Variants in DHX9 observed in about 807,000 individuals in gnomAD.
The protein encoded by DHX9 is DExH-box helicase 9.
Under a neutral mutation model 148.7 loss-of-function variants are expected in DHX9, and 27 were observed. The ratio of observed to expected loss-of-function variants is 0.18; its 90% CI spans 0.13 to 0.25. The LOEUF (loss-of-function observed/expected upper bound fraction) is 0.25, where lower values mean the gene tolerates loss of function less well. DHX9 is among the 10% of genes least tolerant of loss of function. DHX9 has a pLI of 1.00. For missense variants in DHX9, 796 were observed against 1,559.6 expected (o/e 0.51, Z 8.25); for synonymous variants, 529 against 516.6 (o/e 1.02, Z -0.33).
intron 11 of DHX9, 72 bp downstream of exon 11, chr1:182,859,189 G>GT: frequency 7.2e-7 from 1 of 1,388,468 alleles, no homozygotes; most frequent in Non-Finnish European, 1.0e-6. Context: ...AAAAGTCAAT[G>GT]AGCAGTACAT....
At chr1:182,874,509 T>G (rs1648676993) in intron 15 of DHX9, among the ~76,000 whole-genome samples, 1 of 152,202 alleles carries the variant, frequency 6.6e-6, no homozygotes, top group Non-Finnish European at 1.5e-5. Context: ...AGAGGAAGGA[T>G]GGACTGTGGT....
At position 182,854,023 on chromosome 1, in the gene DHX9, TC is replaced by T; in HGVS notation, c.478-6del. ...ACAGCCAAATTTAATTATCATTGAT[TC>T]TACAGACTCTAGAATCAGAAGAAGT... is the stretch of plus-strand genomic sequence containing the variant. On this transcript the variant is annotated splice_region_variant and splice_polypyrimidine_tract_variant and intron_variant, in intron 5 of 27. Transcript: ENST00000367549. 6.2e-7 allele frequency: 1 copy of T among 1,607,612 alleles called. No homozygotes were observed. Among genetic ancestry groups the T allele is most frequent in the Non-Finnish European group, 8.5e-7 (1 of 1,178,742 alleles).
chr1:182,869,110 G>A (rs909193469), intron 14 of DHX9, among the ~76,000 whole-genome samples: 3 of 152,144 alleles, frequency 2.0e-5, no homozygotes, highest in Non-Finnish European at 4.4e-5. Flanking sequence ...AGTAAGTTTT[G>A]GTCAGCTTAA....
chr1:182,845,555 G>T (rs890212558), intron 3 of DHX9, among the ~76,000 whole-genome samples: 1 of 152,130 alleles, frequency 6.6e-6, no homozygotes, highest in Admixed American at 6.5e-5. Flanking sequence ...AATCAGTTCT[G>T]CAGCAGTCAC....
rs556314040 is a variant in DHX9, at chr1:182,887,758, G to A, written c.*324G>A. On this transcript the variant is annotated 3_prime_UTR_variant, in exon 28 of 28. Transcript: ENST00000367549. ...TAAAGTATTACACCGAATACTTGCCGTGTAGTTTGTTTGTTGACCTCGTAT... is the reference window on the plus strand; with the variant it reads ...TAAAGTATTACACCGAATACTTGCCATGTAGTTTGTTTGTTGACCTCGTAT... 7.5e-5 allele frequency: 17 copies of A among 227,722 alleles called. No homozygotes were observed. The highest frequency in any genetic ancestry group is 2.9e-4 in the African/African-American group (13 of 44,666). 14.1% of individuals were successfully genotyped at this position (227,722 alleles called of 1,614,324 possible).
At chr1:182,860,863 T>TC (rs1286632947) in intron 12 of DHX9, among the ~76,000 whole-genome samples, 3 of 152,220 alleles carry the variant, frequency 2.0e-5, no homozygotes, top group East Asian at 3.8e-4. Context: ...GTTAAACAGT[T>TC]CCGTTGGCTC....
At chr1:182,849,978 A>C (rs1668103436) in intron 3 of DHX9, among the ~76,000 whole-genome samples, 5 of 127,290 alleles carry the variant, frequency 3.9e-5, no homozygotes, top group African/African-American at 6.0e-5. Flanking sequence ...AAGTGTACAC[A>C]CGTACCCCCC....
At chr1:182,850,438 T>G (rs1338657097) in intron 3 of DHX9, among the ~76,000 whole-genome samples, 1 of 151,672 alleles carries the variant, frequency 6.6e-6, no homozygotes, top group Non-Finnish European at 1.5e-5. Context: ...AAAAATAAAA[T>G]AGAAATATTA....
At chr1:182,846,586 T>A (rs1291071857) in intron 3 of DHX9, among the ~76,000 whole-genome samples, 2 of 152,252 alleles carry the variant, frequency 1.3e-5, no homozygotes, top group African/African-American at 4.8e-5. Context: ...TGCTGTTTTC[T>A]GTAAGAAGTC....
chr1:182,870,766 A>G (rs1007121540), intron 14 of DHX9, among the ~76,000 whole-genome samples: 3 of 152,242 alleles, frequency 2.0e-5, no homozygotes, highest in African/African-American at 7.2e-5. Context: ...AGAAATATGT[A>G]AGCCACATAG....
chr1:182,876,803 T>C (rs757432935), intron 18 of DHX9, 27 bp from the exon 19 acceptor site: 2 of 1,540,542 alleles, frequency 1.3e-6, no homozygotes, highest in Non-Finnish European at 1.8e-6. Context: ...GAATATTTTC[T>C]GGAGTGTAAT....
At chr1:182,845,440 A>C (rs956710382) in intron 3 of DHX9, among the ~76,000 whole-genome samples, 5 of 152,096 alleles carry the variant, frequency 3.3e-5, no homozygotes, top group South Asian at 4.2e-4. Context: ...AAAAAAAAAA[A>C]AACAATTTTC....
chr1:182,864,893 C>T (rs1265448689), intron 12 of DHX9, among the ~76,000 whole-genome samples: 2 of 152,110 alleles, frequency 1.3e-5, no homozygotes, highest in Non-Finnish European at 2.9e-5. Context: ...AGAAACTGAC[C>T]ATCTCCTGCG....
At chr1:182,843,254 A>T (rs1571293849) in intron 2 of DHX9, 40 bp from the exon 3 acceptor site, 1 of 1,494,806 alleles carries the variant, frequency 6.7e-7, no homozygotes, top group Non-Finnish European at 8.9e-7. Flanking sequence ...TCTCAGAATT[A>T]CCCAGGTCAG....
At chr1:182,858,948 ATATT>A in intron 10 of DHX9, 54 bp downstream of exon 10, 12 of 1,610,460 alleles carry the variant, frequency 7.5e-6, no homozygotes, top group Non-Finnish European at 1.0e-5. Flanking sequence ...TCTTGAGACT[ATATT>A]TGATTAGTAT....
At chr1:182,849,982 A>ACCCC (rs11465005) in intron 3 of DHX9, among the ~76,000 whole-genome samples, 23 of 123,946 alleles carry the variant, frequency 1.9e-4, no homozygotes, top group African/African-American at 6.4e-4. Flanking sequence ...GTACACACGT[A>ACCCC]CCCCCCCCCC....
At position 182,842,558 on chromosome 1, in the gene DHX9, A is replaced by G; in HGVS notation, c.-9A>G. On this transcript the variant is annotated 5_prime_UTR_variant, in exon 2 of 28. Transcript: ENST00000367549. ...TTGTTTTCTTAGATCTGAAGAAGACACTTGAATCATGGGTGACGTTAAAAA... is the reference window on the plus strand; with the variant it reads ...TTGTTTTCTTAGATCTGAAGAAGACGCTTGAATCATGGGTGACGTTAAAAA... 1 of 1,605,254 alleles carries G rather than the reference A, an allele frequency of 6.2e-7. No individual in the cohort carries two copies. The highest frequency in any genetic ancestry group is 2.2e-5 in the East Asian group (1 of 44,744).
Position 182,839,674 on chromosome 1 carries a change from C to CCCTCT in DHX9, c.-23+223_-23+227dup, listed in dbSNP as rs960282482. The CCCTCT allele has an allele frequency of 2.6e-5, 4 of 152,420 alleles. No homozygotes were observed. In the East Asian group the frequency reaches 5.8e-4, roughly 22 times the overall value. 9.4% of individuals were successfully genotyped at this position (152,420 alleles called of 1,614,324 possible). On this transcript the variant is annotated intron_variant, in intron 1 of 27. Coordinates refer to ENST00000367549, the MANE Select transcript of DHX9 (RefSeq NM_001357.5). ...CGTCCGGGCAGCCTGTGGCCCCCTCCCCTCTCCTCCGCCCAGCGTTTCCCG... is the reference window on the plus strand; with the variant it reads ...CGTCCGGGCAGCCTGTGGCCCCCTCCCCTCTCCTCTCCTCCGCCCAGCGTTTCCCG...
At chr1:182,840,750 A>G (rs1391120092) in intron 1 of DHX9, among the ~76,000 whole-genome samples, 6 of 152,226 alleles carry the variant, frequency 3.9e-5, no homozygotes, top group Non-Finnish European at 5.9e-5. Flanking sequence ...TATTATGGAT[A>G]TTGTTTGACA....
Sources: gnomAD v4.1 joint callset for allele counts (sites outside exome capture counted in the v4.1 genomes callset) on GRCh38, gnomAD v4.1.1 for gene constraint, MANE v1.5 for transcripts, NCBI Gene and HGNC (gene_info 2026-07-23, HGNC 2026-07-21) for gene names.